The following FCRL4 variants were observed in gnomAD, a reference collection of about 807,000 sequenced individuals.
The protein encoded by FCRL4 is Fc receptor like 4.
FCRL4 carries 43 observed loss-of-function variants against 64.1 expected under a neutral mutation model. That is an observed-to-expected ratio of 0.67 (90% confidence interval 0.53 to 0.87). The LOEUF is 0.87. Among genes scored for constraint, FCRL4 ranks in the 40% least tolerant of loss-of-function variants. The pLI, the probability that FCRL4 is intolerant of heterozygous loss-of-function variation, is 0.00. For missense variants in FCRL4, 656 were observed against 613.5 expected (o/e 1.07, Z -0.73); for synonymous variants, 253 against 239.8 (o/e 1.05, Z -0.51).
Position 157,573,850 on chromosome 1 carries a change from C to A in FCRL4, c.*1674G>T. ...ACTACAATAAACTATCACTTATATCCAAAACACACAACAATTTCTTAATAT... is the reference window on the plus strand; with the variant it reads ...ACTACAATAAACTATCACTTATATCAAAAACACACAACAATTTCTTAATAT... On this transcript the variant is annotated 3_prime_UTR_variant, in exon 12 of 12. Transcript: ENST00000271532. 1 of 191,766 alleles carries A rather than the reference C, an allele frequency of 5.2e-6. No homozygotes were observed. Among genetic ancestry groups the A allele is most frequent in the African/African-American group, 2.4e-5 (1 of 42,510 alleles). The allele number at this position is 191,766 out of a possible 1,614,324, so 11.9% of individuals were successfully genotyped here. A position where few individuals can be genotyped will look rare whatever the true frequency, so the allele number is the denominator to read the frequency against.
intron 10 of FCRL4, among the ~76,000 whole-genome samples, chr1:157,577,166 C>T (rs576423026): frequency 8.5e-5 from 13 of 152,256 alleles, no homozygotes; most frequent in Admixed American, 6.5e-4. Context: ...TGTGTCTCTG[C>T]TTTAGCTTTC....
intron 2 of FCRL4, among the ~76,000 whole-genome samples, chr1:157,590,936 T>C (rs189403953): frequency 6.6e-6 from 1 of 152,332 alleles, no homozygotes. Context: ...AAAAGCAGAT[T>C]CATAGGAGAA....
chr1:157,579,699 A>AATACATACATACATACATACATACATAC (rs71084243), intron 8 of FCRL4, among the ~76,000 whole-genome samples: 1 of 123,660 alleles, frequency 8.1e-6, no homozygotes, highest in Non-Finnish European at 1.8e-5. Context: ...CCTGGGTGAC[A>AATACATACATACATACATACATACATAC]ATACATACAT....
At chr1:157,596,298 C>A in intron 2 of FCRL4, 30 bp downstream of exon 2, 2 of 1,608,574 alleles carry the variant, frequency 1.2e-6, no homozygotes, top group Non-Finnish European at 1.7e-6. Flanking sequence ...TATCTAGAGA[C>A]ATAAAGGAGC....
chr1:157,575,574 G>A lies in FCRL4; in HGVS notation c.1498C>T (p.His500Tyr), dbSNP rs200200324. The change falls in exon 12 of 12, where the codon CAC (histidine) becomes TAC (tyrosine). Residue 500 changes from histidine (H) to tyrosine (Y), a missense_variant. Transcript: ENST00000271532. ...ATCTTTCCAGCTGAGTTATCTGGGTGTTGTGTCTTTACCTCAGAGTAGACA... is the reference window on the plus strand; with the variant it reads ...ATCTTTCCAGCTGAGTTATCTGGGTATTGTGTCTTTACCTCAGAGTAGACA... ...SVVYSEVKTQ[H>Y]PDNSAGKISS... The A allele has an allele frequency of 1.9e-6, 3 of 1,613,832 alleles. No homozygotes were observed. Among genetic ancestry groups the A allele is most frequent in the Non-Finnish European group, 2.5e-6 (3 of 1,179,864 alleles).
rs935023547 is a variant in FCRL4, at chr1:157,587,886, A to G, written c.541T>C (p.Phe181Leu). 2 of 1,606,858 alleles carry G rather than the reference A, an allele frequency of 1.2e-6. No individual in the cohort carries two copies. Among genetic ancestry groups the G allele is most frequent in the Non-Finnish European group, 1.7e-6 (2 of 1,174,856 alleles). The change falls in exon 4 of 12, where the codon TTC becomes CTC. Residue 181 changes from phenylalanine (F) to leucine (L), a missense_variant. Transcript: ENST00000271532. ...GDENDVFRSN[F>L]KIIKIQELFP... ...TCACCTTGAATTTTAATTATTTTGA[A>G]ATTTGATCTAAATACATCATTCTCG...
intron 10 of FCRL4, among the ~76,000 whole-genome samples, chr1:157,576,645 A>T (rs1652422065): frequency 1.3e-5 from 2 of 152,204 alleles, no homozygotes; most frequent in Non-Finnish European, 2.9e-5. Context: ...AAGAAAAGCA[A>T]AATTATCAAG....
chr1:157,586,267 G>A lies in FCRL4; in HGVS notation c.1036C>T (p.Leu346Phe). The change falls in exon 6 of 12, where the codon CTC becomes TTC. Residue 346 changes from leucine to phenylalanine, a missense_variant. Physicochemically the swap from Leu to Phe is conservative, Grantham distance 22 (BLOSUM62 0). Transcript: ENST00000271532. ...TQRSLRAELELPAIRQSHAGG... is the reference protein window; with the variant it reads ...TQRSLRAELEFPAIRQSHAGG... ...GCATGGCTCTGTCTGATGGCAGGGA[G>A]CTCCAGCTCTGCTCTCAGGGAACGC... The A allele has an allele frequency of 6.2e-7, 1 of 1,614,138 alleles. No individual in the cohort carries two copies. The highest frequency in any genetic ancestry group is 8.5e-7 in the Non-Finnish European group (1 of 1,180,016).
chr1:157,589,340 C>G lies in FCRL4; in HGVS notation c.171G>C (p.Trp57Cys). 6.2e-7 allele frequency: 1 copy of G among 1,614,156 alleles called. No homozygotes were observed. Among genetic ancestry groups the G allele is most frequent in the Non-Finnish European group, 8.5e-7 (1 of 1,180,030 alleles). ...TTTCTCCCCAGTAGTGCCGATGATA[C>G]CATGTTGTTTTCTCTGTTGCATAGA... ...FQFYATEKTT[W>C]YHRHYWGEKL... Residue 57 changes from tryptophan (W) to cysteine (C), a missense_variant, in exon 3 of 12, where the codon TGG becomes TGC. Trp to Cys is a radical substitution (Grantham distance 215). Coordinates refer to ENST00000271532, the MANE Select transcript of FCRL4 (RefSeq NM_031282.3).
intron 6 of FCRL4, among the ~76,000 whole-genome samples, chr1:157,584,535 T>TA (rs879425113): frequency 0.03 from 4,199 of 141,132 alleles, 175 homozygotes; most frequent in African/African-American, 0.1. Context: ...GACCCCATCT[T>TA]AAAAAAAAAA....
At position 157,597,920 on chromosome 1, in the gene FCRL4, C is replaced by T. The variant is rs1167783369; in HGVS notation, c.25G>A (p.Ala9Thr). MLLWASLLAFAPVCGQSAA... is the reference protein window; with the variant it reads MLLWASLLTFAPVCGQSAA... Reference sequence around the variant, plus strand: ...TCTCCTCCCCATCACTTACCAAAGGCCAGCAAGGACGCCCACAGCAGCATG... The same window carrying T: ...TCTCCTCCCCATCACTTACCAAAGGTCAGCAAGGACGCCCACAGCAGCATG... The change falls in exon 1 of 12, where the codon GCC becomes ACC. Residue 9 changes from alanine (A) to threonine (T), a missense_variant. Physicochemically the swap from Ala to Thr is moderately conservative, Grantham distance 58 (BLOSUM62 0). Coordinates refer to ENST00000271532, the MANE Select transcript of FCRL4 (RefSeq NM_031282.3). 1 of 1,613,196 alleles carries T rather than the reference C, an allele frequency of 6.2e-7. No individual in the cohort carries two copies. The highest frequency in any genetic ancestry group is 1.7e-5 in the Admixed American group (1 of 59,948).
rs1018098997 is a variant in FCRL4, at chr1:157,575,325, G to A, written c.*199C>T. On this transcript the variant is annotated 3_prime_UTR_variant, in exon 12 of 12. Transcript: ENST00000271532. ...AACTGTGGATCCTGGTCATTTTAGT[G>A]AAGTCTTTCAGAGGCCATTCCATCC... 1 of 588,158 alleles carries A rather than the reference G, an allele frequency of 1.7e-6. No individual in the cohort carries two copies. The highest frequency in any genetic ancestry group is 1.9e-5 in the African/African-American group (1 of 53,628). 36.4% of individuals were successfully genotyped at this position (588,158 alleles called of 1,614,324 possible). A position where few individuals can be genotyped will look rare whatever the true frequency, so the allele number is the denominator to read the frequency against.
rs115637934 is a variant in FCRL4, at chr1:157,584,186, C to T, written c.1135+1982G>A. 7.5e-3 allele frequency among the ~76,000 whole-genome samples: 1,140 copies of T among 152,226 alleles called. 12 individuals are homozygous for T. The highest frequency in any genetic ancestry group is 0.025 in the African/African-American group (1,052 of 41,532). On this transcript the variant is annotated intron_variant, in intron 6 of 11. Transcript: ENST00000271532. ...AATAAGAGCCTTCCTGCAGAAGAAA[C>T]ACCCTCTACCATCAGTGTTACTCTG...
intron 1 of FCRL4, among the ~76,000 whole-genome samples, chr1:157,597,568 T>C (rs146661468): frequency 8.3e-4 from 126 of 152,312 alleles, no homozygotes; most frequent in African/African-American, 3.0e-3. Flanking sequence ...ACTTTATCCT[T>C]CACAAATAAC....
In FCRL4 at chr1:157,573,755, A is replaced by T; in HGVS notation, c.*1769T>A. ...ATTTCATGTACGCCGAATTTACGTT[A>T]ATAAGCTTTAATCTAATACTTCAGT... On this transcript the variant is annotated 3_prime_UTR_variant, in exon 12 of 12. Coordinates refer to ENST00000271532, the MANE Select transcript of FCRL4 (RefSeq NM_031282.3). The T allele has an allele frequency of 5.6e-6, 1 of 178,092 alleles. No homozygotes were observed. The highest frequency in any genetic ancestry group is 9.2e-5 in the East Asian group (1 of 10,926). The allele number at this position is 178,092 out of a possible 1,614,324, so 11.0% of individuals were successfully genotyped here.
chr1:157,593,266 T>C (rs1652878834), intron 2 of FCRL4, among the ~76,000 whole-genome samples: 1 of 152,144 alleles, frequency 6.6e-6, no homozygotes, highest in Non-Finnish European at 1.5e-5. Flanking sequence ...ATTGCCTGGC[T>C]CACAACCCAG....
At chr1:157,588,192 G>A in intron 3 of FCRL4, 73 bp from the exon 4 acceptor site, 2 of 1,500,088 alleles carry the variant, frequency 1.3e-6, no homozygotes, top group Non-Finnish European at 1.8e-6. Flanking sequence ...GAATTACAAA[G>A]GCTTTATTGT....
At chr1:157,596,401 T>A in intron 1 of FCRL4, 53 bp from the exon 2 acceptor site, 1 of 1,608,932 alleles carries the variant, frequency 6.2e-7, no homozygotes, top group Non-Finnish European at 8.5e-7. Flanking sequence ...TCCCGAACTA[T>A]TCACCCTGAG....
intron 7 of FCRL4, 169 bp from the exon 8 acceptor site, chr1:157,580,517 T>A: frequency 1.5e-6 from 1 of 683,186 alleles, no homozygotes; most frequent in African/African-American, 1.8e-5. Context: ...ACAAAGCATA[T>A]AACTTTTTGA....
Sources: gnomAD v4.1 joint callset for allele counts (sites outside exome capture counted in the v4.1 genomes callset) on GRCh38, gnomAD v4.1.1 for gene constraint, MANE v1.5 for transcripts, NCBI Gene and HGNC (gene_info 2026-07-23, HGNC 2026-07-21) for gene names.